The following SOX6 variants were observed in gnomAD, a reference collection of about 807,000 sequenced individuals.
SOX6 encodes transcription factor SOX-6.
Under a neutral mutation model 97.8 loss-of-function variants are expected in SOX6, and 11 were observed. That is an observed-to-expected ratio of 0.11 (90% CI 0.07 to 0.19). The LOEUF (loss-of-function observed/expected upper bound fraction) is 0.19, where lower values mean the gene tolerates loss of function less well. Ranked by LOEUF, SOX6 falls within the 10% of genes least tolerant of loss-of-function variation. The pLI, the probability that SOX6 is intolerant of heterozygous loss-of-function variation, is 1.00. For missense variants in SOX6, 810 were observed against 1,039.5 expected, an observed-to-expected ratio of 0.78 and a Z score of 3.04; for synonymous variants, 360 against 371.4, an observed-to-expected ratio of 0.97 and a Z score of 0.35.
At chr11:16,037,584 T>A (rs895251799) in intron 12 of SOX6, among the ~76,000 whole-genome samples, 1 of 152,174 alleles carries the variant, frequency 6.6e-6, no homozygotes, top group Admixed American at 6.5e-5. Flanking sequence ...CTTTTTGATA[T>A]AACCTGTAAT....
At chr11:16,285,010 T>G (rs2134248574) in intron 3 of SOX6, among the ~76,000 whole-genome samples, 1 of 152,264 alleles carries the variant, frequency 6.6e-6, no homozygotes, top group Non-Finnish European at 1.5e-5. Context: ...GCAAATTAGA[T>G]TATAAATTAT....
chr11:16,028,730 A>G (rs1855275517), intron 12 of SOX6, among the ~76,000 whole-genome samples: 1 of 152,172 alleles, frequency 6.6e-6, no homozygotes, highest in Non-Finnish European at 1.5e-5. Flanking sequence ...CTCTCCACAT[A>G]TCGGCCGTTT....
intron 3 of SOX6, among the ~76,000 whole-genome samples, chr11:16,660,521 G>A (rs895034239): frequency 3.3e-5 from 5 of 152,124 alleles, no homozygotes; most frequent in Non-Finnish European, 5.9e-5. Context: ...ATCTATCTAG[G>A]TGAATGCTCT....
intron 4 of SOX6, among the ~76,000 whole-genome samples, chr11:16,517,862 A>G (rs1245544905): frequency 6.6e-6 from 1 of 152,194 alleles, no homozygotes; most frequent in African/African-American, 2.4e-5. Flanking sequence ...AATATTTGTC[A>G]TTATTTATGC....
At chr11:16,403,720 CTG>C (rs1183579756) in intron 1 of SOX6, among the ~76,000 whole-genome samples, 1 of 151,608 alleles carries the variant, frequency 6.6e-6, no homozygotes, top group Non-Finnish European at 1.5e-5. Flanking sequence ...TCATTAATCA[CTG>C]AAAGGGAGAC....
intron 4 of SOX6, among the ~76,000 whole-genome samples, chr11:16,497,665 C>T (rs921892059): frequency 7.9e-5 from 12 of 152,130 alleles, no homozygotes; most frequent in African/African-American, 2.4e-4. Flanking sequence ...AACTACGTGA[C>T]GAATGCACAA....
intron 7 of SOX6, among the ~76,000 whole-genome samples, chr11:16,107,424 TATAC>T (rs1849122550): frequency 6.8e-6 from 1 of 147,766 alleles, no homozygotes; most frequent in Admixed American, 6.8e-5. Flanking sequence ...TATACATATA[TATAC>T]ATATATATAC....
At chr11:16,151,299 C>A (rs533165174) in intron 6 of SOX6, among the ~76,000 whole-genome samples, 1 of 152,066 alleles carries the variant, frequency 6.6e-6, no homozygotes, top group Non-Finnish European at 1.5e-5. Flanking sequence ...GACAATAGTG[C>A]GTAACGAAAG....
At chr11:16,217,709 AGG>A (rs1299650347) in intron 4 of SOX6, among the ~76,000 whole-genome samples, 3 of 152,160 alleles carry the variant, frequency 2.0e-5, no homozygotes, top group African/African-American at 7.2e-5. Flanking sequence ...AGTCAAAGAC[AGG>A]AGCCATGTGC....
At chr11:16,364,849 C>A (rs955338705) in intron 1 of SOX6, among the ~76,000 whole-genome samples, 25 of 152,180 alleles carry the variant, frequency 1.6e-4, no homozygotes, top group African/African-American at 6.0e-4. Flanking sequence ...GATATGAATT[C>A]AGATCCCACG....
intron 2 of SOX6, among the ~76,000 whole-genome samples, chr11:16,331,555 T>C (rs774482582): frequency 1.3e-5 from 2 of 152,188 alleles, no homozygotes; most frequent in Non-Finnish European, 2.9e-5. Context: ...ATTCATATGG[T>C]GGGCTACCAA....
At chr11:16,261,150 A>G (rs1418007914) in intron 3 of SOX6, among the ~76,000 whole-genome samples, 3 of 152,124 alleles carry the variant, frequency 2.0e-5, no homozygotes, top group African/African-American at 7.2e-5. Context: ...TTTACCATCA[A>G]TCTTCTCTAT....
At chr11:16,527,345 A>ATTC (rs1861182304) in intron 4 of SOX6, among the ~76,000 whole-genome samples, 2 of 152,128 alleles carry the variant, frequency 1.3e-5, no homozygotes, top group South Asian at 4.1e-4. Context: ...TGCTCTGGGA[A>ATTC]CAGTATTTAA....
intron 2 of SOX6, among the ~76,000 whole-genome samples, chr11:16,715,229 T>C (rs978061802): frequency 6.6e-6 from 1 of 152,170 alleles, no homozygotes; most frequent in Non-Finnish European, 1.5e-5. Context: ...AATAAAAGAA[T>C]CTAAAATATC....
intron 4 of SOX6, among the ~76,000 whole-genome samples, chr11:16,216,739 T>C (rs1852384537): frequency 6.6e-6 from 1 of 152,140 alleles, no homozygotes; most frequent in African/African-American, 2.4e-5. Flanking sequence ...TTGTAAATAC[T>C]CAAAAAATGG....
At chr11:16,427,916 C>T (rs983391010) in intron 1 of SOX6, among the ~76,000 whole-genome samples, 6 of 152,158 alleles carry the variant, frequency 3.9e-5, no homozygotes, top group African/African-American at 1.4e-4. Context: ...CTGACTTCCA[C>T]AATGGTTGAA....
chr11:16,038,280 T>C (rs1375584679), intron 12 of SOX6, among the ~76,000 whole-genome samples: 1 of 152,120 alleles, frequency 6.6e-6, no homozygotes, highest in East Asian at 1.9e-4. Flanking sequence ...CGGATGATTG[T>C]ACTTTACTGA....
chr11:16,021,827 A>G (rs1031463052), intron 12 of SOX6, among the ~76,000 whole-genome samples: 1 of 152,120 alleles, frequency 6.6e-6, no homozygotes, highest in Non-Finnish European at 1.5e-5. Context: ...GCAGGGAAGA[A>G]TGCCACCCAC....
chr11:16,499,622 A>G (rs1340055950), intron 4 of SOX6, among the ~76,000 whole-genome samples: 1 of 152,076 alleles, frequency 6.6e-6, no homozygotes, highest in African/African-American at 2.4e-5. Flanking sequence ...AAACGATAAA[A>G]GGAATATCAC....
Sources: allele counts gnomAD v4.1 joint callset (sites outside exome capture counted in the v4.1 genomes callset), GRCh38; gene constraint gnomAD v4.1.1; transcripts MANE v1.5; gene names NCBI Gene and HGNC (gene_info 2026-07-23, HGNC 2026-07-21).